Variants in ATAD3A observed in about 807,000 individuals in gnomAD.
ATAD3A encodes the protein ATPase family AAA domain containing 3A.
Under a neutral mutation model 73.8 loss-of-function variants are expected in ATAD3A, and 46 were observed. The observed-to-expected ratio is 0.62, with a 90% CI of 0.49 to 0.80. The LOEUF (loss-of-function observed/expected upper bound fraction) is 0.80, where lower values mean the gene tolerates loss of function less well. Ranked by LOEUF, ATAD3A falls within the 30% of genes least tolerant of loss-of-function variation. ATAD3A has a pLI of 0.00. For synonymous variants in ATAD3A, 319 were observed against 350.0 expected (o/e 0.91, Z 0.99); for missense variants, 705 against 838.0 (o/e 0.84, Z 1.96).
rs1641700970 is a variant in ATAD3A at position 1,523,881 on chromosome 1, A to G, written c.1006A>G (p.Arg336Gly). 28 of 1,614,030 alleles carry G rather than the reference A, an allele frequency of 1.7e-5. No homozygotes were observed. The highest frequency in any genetic ancestry group is 2.4e-5 in the Non-Finnish European group (28 of 1,180,000). ...ARVRDIAIAT[R>G]NTKKNRSLYR... Reference sequence around the variant, plus strand: ...GGTGCGCGACATCGCCATAGCAACAAGGAACACCAAGAAGAACCGCAGCCT... The same window carrying G: ...GGTGCGCGACATCGCCATAGCAACAGGGAACACCAAGAAGAACCGCAGCCT... Residue 336 changes from arginine (R) to glycine (G), a missense_variant, in exon 10 of 16, where the codon AGG becomes GGG. By Grantham distance (125) the Arg-to-Gly change is moderately radical. This residue lies in a region of ATAD3A where 315 missense variants were observed against 334.1 expected (regional missense o/e 0.94). Transcript: ENST00000378756. The surrounding 1 kb of genome is among the most constrained non-coding windows in gnomAD (Gnocchi z 5.1).
At position 1,512,401 on chromosome 1, in the gene ATAD3A, G is replaced by C; in HGVS notation, c.133G>C (p.Asp45His). ...GTTGGGAGACCGGCCGGCGCCCAAG[G>C]ACAAATGGAGCAACTTCGACCCCAC... ...RGLGDRPAPKDKWSNFDPTGL... is the reference protein window; with the variant it reads ...RGLGDRPAPKHKWSNFDPTGL... The change falls in exon 1 of 16, where the codon GAC (aspartate) becomes CAC (histidine). Residue 45 changes from aspartate to histidine, a missense_variant. Transcript: ENST00000378756. 1.6e-6 allele frequency: 2 copies of C among 1,234,672 alleles called. No homozygotes were observed. Among genetic ancestry groups the C allele is most frequent in the East Asian group, 3.4e-5 (1 of 29,828 alleles). The allele number at this position is 1,234,672 out of a possible 1,614,324, so 76.5% of individuals were successfully genotyped here.
chr1:1,514,518 C>T (rs1048189306), intron 1 of ATAD3A, among the ~76,000 whole-genome samples: 18 of 152,182 alleles, frequency 1.2e-4, no homozygotes, highest in Non-Finnish European at 2.4e-4. Context: ...CTGGGGCCCC[C>T]GAGGTTAGCT....
At chr1:1,515,548 T>C (rs1410709112) in intron 1 of ATAD3A, among the ~76,000 whole-genome samples, 1 of 152,186 alleles carries the variant, frequency 6.6e-6, no homozygotes, top group East Asian at 1.9e-4. Flanking sequence ...GAGGACGTTG[T>C]CAGATGCTTG....
intron 13 of ATAD3A, among the ~76,000 whole-genome samples, chr1:1,526,918 G>A (rs934851151): frequency 6.6e-6 from 1 of 152,116 alleles, no homozygotes; most frequent in African/African-American, 2.4e-5. Flanking sequence ...AGACAAGTTT[G>A]CTCCCACGGG....
intron 15 of ATAD3A, among the ~76,000 whole-genome samples, 162 bp from the exon 16 acceptor site, chr1:1,533,764 C>T (rs1308758654): frequency 2.5e-4 from 38 of 151,388 alleles, no homozygotes. Flanking sequence ...TCCCGGTGTC[C>T]ACACACGTGC....
chr1:1,522,804 G>A lies in ATAD3A; in HGVS notation c.811G>A (p.Ala271Thr), dbSNP rs141479773. The A allele has an allele frequency of 1.1e-5, 18 of 1,610,804 alleles. No homozygotes were observed. The highest frequency in any genetic ancestry group is 2.2e-5 in the East Asian group (1 of 44,864). The change falls in exon 8 of 16, where the codon GCC (alanine) becomes ACC (threonine). Residue 271 changes from alanine (A) to threonine (T), a missense_variant. Ala to Thr is a moderately conservative substitution (Grantham distance 58). Transcript: ENST00000378756. ...VYSAKNATLV[A>T]GRFIEARLGK... Reference sequence around the variant, plus strand: ...CTCAGCCAAGAATGCCACGCTTGTCGCCGGCCGCTTCATCGAGGCTCGGCT... The same window carrying A: ...CTCAGCCAAGAATGCCACGCTTGTCACCGGCCGCTTCATCGAGGCTCGGCT...
chr1:1,522,696 G>A, intron 7 of ATAD3A, 48 bp from the exon 8 acceptor site: 1 of 1,607,566 alleles, frequency 6.2e-7, no homozygotes, highest in Non-Finnish European at 8.5e-7. Context: ...TGCTCTAAGA[G>A]GGAGGGACGG....
In ATAD3A at chr1:1,525,694, G is replaced by A. The variant is rs1048935936; in HGVS notation, c.1266+403G>A. Among the ~76,000 whole-genome samples, 41 of 152,128 alleles carry A rather than the reference G, an allele frequency of 2.7e-4. 2 individuals carry two copies. Among genetic ancestry groups the A allele is most frequent in the African/African-American group, 5.3e-4 (22 of 41,508 alleles). On this transcript the variant is annotated intron_variant, in intron 12 of 15. Transcript: ENST00000378756. ...CTCCCAAAGTGCTGGGATTACAGGC[G>A]TGAGCCACCACGCCCAGCCTTTTAA...
chr1:1,528,274 C>T (rs889289342), intron 14 of ATAD3A, among the ~76,000 whole-genome samples: 2 of 152,222 alleles, frequency 1.3e-5, no homozygotes, highest in African/African-American at 4.8e-5. Flanking sequence ...CTTTTCCATT[C>T]CTCTTCACTA....
chr1:1,523,295 AG>A lies in ATAD3A; in HGVS notation c.907-215del, dbSNP rs1286576453. Reference sequence around the variant, plus strand: ...CCACAGGTCACTGGGTAGGTGGTTAAGAAAATAAAAGCCAATAAGGAACCGG... The same window carrying A: ...CCACAGGTCACTGGGTAGGTGGTTAAAAAATAAAAGCCAATAAGGAACCGG... On this transcript the variant is annotated intron_variant, in intron 8 of 15. Transcript: ENST00000378756. This position sits in a 1 kb window ranked among gnomAD's most constrained non-coding sequence, Gnocchi z 5.1. Among the ~76,000 whole-genome samples the A allele has an allele frequency of 1.3e-5, 2 of 152,170 alleles. No homozygotes were observed. The highest frequency in any genetic ancestry group is 4.8e-5 in the African/African-American group (2 of 41,420).
chr1:1,534,285 C>T lies in ATAD3A; in HGVS notation c.*213C>T, dbSNP rs1642150465. 6.9e-7 allele frequency: 1 copy of T among 1,446,630 alleles called. No individual in the cohort carries two copies. Among genetic ancestry groups the T allele is most frequent in the Non-Finnish European group, 9.0e-7 (1 of 1,108,206 alleles). The allele number at this position is 1,446,630 out of a possible 1,614,324, so 89.6% of individuals were successfully genotyped here. A position where few individuals can be genotyped will look rare whatever the true frequency, so the allele number is the denominator to read the frequency against. On this transcript the variant is annotated 3_prime_UTR_variant, in exon 16 of 16. Transcript: ENST00000378756. ...CACTGGCTAGGGAGGGGCAGGCCTCCTTCCTGCCCCTCGAGACACTCTTGG... is the reference window on the plus strand; with the variant it reads ...CACTGGCTAGGGAGGGGCAGGCCTCTTTCCTGCCCCTCGAGACACTCTTGG...
intron 4 of ATAD3A, among the ~76,000 whole-genome samples, chr1:1,518,507 C>A (rs1250613505): frequency 9.6e-6 from 1 of 104,184 alleles, no homozygotes; most frequent in Admixed American, 1.0e-4. Context: ...CGCACACAAC[C>A]CCCCCACATG....
chr1:1,527,957 CCT>C, intron 14 of ATAD3A, 95 bp downstream of exon 14: 4 of 1,214,486 alleles, frequency 3.3e-6, no homozygotes, highest in Admixed American at 2.9e-5. Flanking sequence ...CTTTAACATT[CCT>C]TTTTTTTTTT....
At chr1:1,518,648 C>T (rs1387037047) in intron 4 of ATAD3A, among the ~76,000 whole-genome samples, 8 of 79,786 alleles carry the variant, frequency 1.0e-4, no homozygotes, top group African/African-American at 4.8e-4. Context: ...CGCACAACCC[C>T]CCCACCCCCC....
At position 1,530,221 on chromosome 1, in the gene ATAD3A, A is replaced by G. The variant is rs116518343; in HGVS notation, c.1614+890A>G. 3.9e-3 allele frequency among the ~76,000 whole-genome samples: 592 copies of G among 152,298 alleles called. 6 individuals carry two copies. The highest frequency in any genetic ancestry group is 0.014 in the African/African-American group (577 of 41,566). The stretch of plus-strand genomic sequence containing the variant: ...CTGTTCCAGGCCATCCCCACTTGGA[A>G]CCAGGTCTGTTTCCACAACTAAGAA... On this transcript the variant is annotated intron_variant, in intron 15 of 15. Coordinates refer to ENST00000378756, the MANE Select transcript of ATAD3A (RefSeq NM_001170535.3).
At chr1:1,518,781 C>T (rs1641479381) in intron 4 of ATAD3A, 140 bp from the exon 5 acceptor site, 6 of 1,534,540 alleles carry the variant, frequency 3.9e-6, no homozygotes, top group East Asian at 2.3e-5. Context: ...GGCACCGTCA[C>T]CCCCCGCAAA....
intron 13 of ATAD3A, 122 bp downstream of exon 13, chr1:1,526,653 A>T (rs1751466): frequency 6.8e-5 from 105 of 1,551,602 alleles, no homozygotes; most frequent in Non-Finnish European, 8.7e-5. Flanking sequence ...TGGCCTCAAC[A>T]TGCCCACCTC....
In ATAD3A at chr1:1,524,940, G is replaced by A. The variant is rs893722515; in HGVS notation, c.1215-300G>A. 6.6e-5 allele frequency among the ~76,000 whole-genome samples: 10 copies of A among 152,274 alleles called. No homozygotes were observed. The East Asian group carries it at 9.7e-4, about 15-fold the overall frequency. ...TCACTTTAGAAGACCTGTCCCTGTC[G>A]TGGACTCTAAGCGGCCACCAGTGCT... On this transcript the variant is annotated intron_variant, in intron 11 of 15. Coordinates refer to ENST00000378756, the MANE Select transcript of ATAD3A (RefSeq NM_001170535.3).
rs760890202 is a variant in ATAD3A at position 1,523,446 on chromosome 1, G to A, written c.907-65G>A. 1.8e-5 allele frequency: 28 copies of A among 1,582,140 alleles called. No homozygotes were observed. Among genetic ancestry groups the A allele is most frequent in the African/African-American group, 2.7e-5 (2 of 73,892 alleles). ...TGCGTGTTACCGAGCGTGTGTGTGC[G>A]CGTTGGTGGCTGTTCCGTGGCTGTG... On this transcript the variant is annotated intron_variant, in intron 8 of 15. Transcript: ENST00000378756. The surrounding 1 kb of genome is among the most constrained non-coding windows in gnomAD (Gnocchi z 5.1).
Sources: allele counts gnomAD v4.1 joint callset (sites outside exome capture counted in the v4.1 genomes callset), GRCh38; gene constraint gnomAD v4.1.1; regional missense constraint gnomAD v4.1.1; non-coding constraint Gnocchi (gnomAD v3.1); transcripts MANE v1.5; gene names NCBI Gene and HGNC (gene_info 2026-07-23, HGNC 2026-07-21).